Variants in TRPA1 observed in about 807,000 individuals in gnomAD.
TRPA1 encodes ankyrin-like with transmembrane domains 1.
A neutral mutation model predicts 131.3 loss-of-function variants in TRPA1; 129 were observed. The observed-to-expected ratio is 0.98, with a 90% CI of 0.85 to 1.14. The LOEUF is 1.14. Ranked by LOEUF, TRPA1 falls within the 50% of genes most tolerant of loss-of-function variation. The pLI, the probability that TRPA1 is intolerant of heterozygous loss-of-function variation, is 0.00. For synonymous variants in TRPA1, 441 were observed against 451.7 expected (o/e 0.98, Z 0.30); for missense variants, 1,304 against 1,354.2 (o/e 0.96, Z 0.58).
Position 72,034,326 on chromosome 8 carries a change from A to G in TRPA1, c.2607T>C (p.Thr869=). 1 of 1,581,358 alleles carries G rather than the reference A, an allele frequency of 6.3e-7. No individual in the cohort carries two copies. Among genetic ancestry groups the G allele is most frequent in the East Asian group, 2.2e-5 (1 of 44,512 alleles). The change falls in exon 22 of 27, where the codon ACT becomes ACC. Residue 869 remains threonine, a synonymous_variant. Transcript: ENST00000262209. The part of the protein sequence containing the change: ...FIVMLEVILK[T]LLRSTVVFIF... ...TAAATACAACTGTAGACCTCAACAA[A>G]GTTTTCAAAATTACCTCCAACATAA...
chr8:72,063,483 A>G lies in TRPA1; in HGVS notation c.641T>C (p.Met214Thr), dbSNP rs1187469072. Residue 214 changes from methionine (M) to threonine (T), a missense_variant, in exon 5 of 27, where the codon ATG becomes ACG. Coordinates refer to ENST00000262209, the MANE Select transcript of TRPA1 (RefSeq NM_007332.3). ...QAAFSGSKEC[M>T]EIILRFGEEH... ...CTCACCAAACCTTAGTATTATTTCC[A>G]TGCATTCTTTGGAACCTGAAAATGC... 14 of 1,612,638 alleles carry G rather than the reference A, an allele frequency of 8.7e-6. No individual in the cohort carries two copies. Among genetic ancestry groups the G allele is most frequent in the Non-Finnish European group, 1.2e-5 (14 of 1,178,886 alleles).
At chr8:72,048,678 T>G (rs1805412315) in intron 15 of TRPA1, among the ~76,000 whole-genome samples, 3 of 152,178 alleles carry the variant, frequency 2.0e-5, no homozygotes, top group Admixed American at 2.0e-4. Flanking sequence ...GTATTTCAAA[T>G]GCATTATGTC....
chr8:72,070,518 T>C (rs1396147262), intron 2 of TRPA1, among the ~76,000 whole-genome samples: 2 of 152,236 alleles, frequency 1.3e-5, no homozygotes, highest in East Asian at 3.8e-4. Flanking sequence ...GAAATCATTT[T>C]TATTTTTATA....
Position 72,052,703 on chromosome 8 carries a change from G to T in TRPA1, c.1707C>A (p.Ser569Arg). ...GHAKAVALLL[S>R]HNADIVLNKQ... ...TGTTCAGGACTATGTCAGCATTGTG[G>T]CTCAGAAGAAGCGCAACGGCTTTGG... is the stretch of plus-strand genomic sequence containing the variant. The change falls in exon 14 of 27, where the codon AGC becomes AGA. Residue 569 changes from serine (S) to arginine (R), a missense_variant. Physicochemically the swap from Ser to Arg is moderately radical, Grantham distance 110. Transcript: ENST00000262209. The T allele has an allele frequency of 6.2e-7, 1 of 1,613,826 alleles. No homozygotes were observed. The highest frequency in any genetic ancestry group is 1.1e-5 in the South Asian group (1 of 91,070).
intron 17 of TRPA1, among the ~76,000 whole-genome samples, chr8:72,044,404 A>T (rs1051786595): frequency 1.3e-5 from 2 of 152,030 alleles, no homozygotes; most frequent in African/African-American, 4.8e-5. Context: ...ACACACACAG[A>T]TACTTGTTTT....
chr8:72,031,141 T>C (rs1811799359), intron 23 of TRPA1, among the ~76,000 whole-genome samples: 1 of 152,146 alleles, frequency 6.6e-6, no homozygotes, highest in Non-Finnish European at 1.5e-5. Flanking sequence ...ACAGGGAGAA[T>C]ATATTCTAGG....
At chr8:72,025,433 C>CTG (rs940918159) in intron 25 of TRPA1, among the ~76,000 whole-genome samples, 1 of 152,138 alleles carries the variant, frequency 6.6e-6, no homozygotes, top group Non-Finnish European at 1.5e-5. Context: ...CCATGCAGAA[C>CTG]TGTGAGTCAA....
chr8:72,042,270 A>G (rs535428309), intron 17 of TRPA1, among the ~76,000 whole-genome samples: 1 of 152,114 alleles, frequency 6.6e-6, no homozygotes, highest in East Asian at 1.9e-4. Flanking sequence ...AGATACATGA[A>G]TAGTCAATAA....
chr8:72,079,181 C>T (rs1806243155), upstream of TRPA1, among the ~76,000 whole-genome samples: 1 of 151,730 alleles, frequency 6.6e-6, no homozygotes, highest in Admixed American at 6.6e-5. Context: ...TTTTCAGAAG[C>T]TGTTATTTCT....
At position 72,050,857 on chromosome 8, in the gene TRPA1, A is replaced by T; in HGVS notation, c.1826T>A (p.Leu609His). The change falls in exon 15 of 27, where the codon CTT becomes CAT. Residue 609 changes from leucine (L) to histidine (H), a missense_variant. Coordinates refer to ENST00000262209, the MANE Select transcript of TRPA1 (RefSeq NM_007332.3). ...IIRSKRWDEC[L>H]KIFSHNSPGN... ...TGGAGAATTATGACTGAAAATCTTA[A>T]GACATTCATCCCATCTGTAAAAAAT... 1 of 1,608,336 alleles carries T rather than the reference A, an allele frequency of 6.2e-7. No individual in the cohort carries two copies. The highest frequency in any genetic ancestry group is 1.1e-5 in the South Asian group (1 of 90,978).
At chr8:72,071,999 T>C (rs1806074062) in intron 1 of TRPA1, 132 bp from the exon 2 acceptor site, 2 of 808,592 alleles carry the variant, frequency 2.5e-6, no homozygotes, top group Non-Finnish European at 3.9e-6. Flanking sequence ...AATATTTTTC[T>C]TGAAATACAC....
At position 72,023,827 on chromosome 8, in the gene TRPA1, T is replaced by C. The variant is rs1226409255; in HGVS notation, c.3136A>G (p.Lys1046Glu). The C allele has an allele frequency of 3.2e-6, 5 of 1,576,210 alleles. No individual in the cohort carries two copies. Among genetic ancestry groups the C allele is most frequent in the Non-Finnish European group, 4.4e-6 (5 of 1,146,020 alleles). ...ADKSLEMEIL[K>E]QKYRLKDLTF... ...AAAAATACATACCGGTATTTCTGCT[T>C]TAATATTTCCATTTCTAAAGATTTA... The change falls in exon 26 of 27, where the codon AAG (lysine) becomes GAG (glutamate). Residue 1046 changes from lysine (K) to glutamate (E), a missense_variant. Physicochemically the swap from Lys to Glu is moderately conservative, Grantham distance 56. Transcript: ENST00000262209.
At chr8:72,050,128 G>A (rs1486578342) in intron 15 of TRPA1, among the ~76,000 whole-genome samples, 3 of 151,916 alleles carry the variant, frequency 2.0e-5, no homozygotes, top group African/African-American at 7.3e-5. Flanking sequence ...GGTGTGTGAT[G>A]TTCCCCACCC....
At chr8:72,072,191 A>G (rs1363979008) in intron 1 of TRPA1, among the ~76,000 whole-genome samples, 1 of 152,188 alleles carries the variant, frequency 6.6e-6, no homozygotes, top group Non-Finnish European at 1.5e-5. Context: ...CAATTCTACC[A>G]TTGACCATAA....
chr8:72,062,820 A>C lies in TRPA1; in HGVS notation c.786T>G (p.Gly262=). 2 of 1,614,074 alleles carry C rather than the reference A, an allele frequency of 1.2e-6. No homozygotes were observed. Among genetic ancestry groups the C allele is most frequent in the Non-Finnish European group, 1.7e-6 (2 of 1,179,986 alleles). ...LEMIKMCLDN[G]AQIDPVEKGR... is the part of the protein sequence containing the mutation. Reference sequence around the variant, plus strand: ...TTACCTCCACTGGGTCTATTTGTGCACCATTGTCCAGGCACATTTTGATCA... The same window carrying C: ...TTACCTCCACTGGGTCTATTTGTGCCCCATTGTCCAGGCACATTTTGATCA... The change falls in exon 6 of 27, where the codon GGT becomes GGG. Residue 262 remains glycine, a synonymous_variant. Coordinates refer to ENST00000262209, the MANE Select transcript of TRPA1 (RefSeq NM_007332.3).
At chr8:72,054,677 GA>G (rs556937954) in intron 12 of TRPA1, 1 of 152,236 alleles carries the variant, frequency 6.6e-6, no homozygotes, top group African/African-American at 2.4e-5. Flanking sequence ...TTGTAAACCA[GA>G]AAAAACTGAG....
chr8:72,044,269 T>A (rs1247960819), intron 17 of TRPA1, among the ~76,000 whole-genome samples: 2 of 151,120 alleles, frequency 1.3e-5, no homozygotes, highest in African/African-American at 4.8e-5. Context: ...AACTTCCACG[T>A]AGATTTGACT....
the TRPA1 span, among the ~76,000 whole-genome samples, chr8:72,083,457 G>C: frequency 2.6e-5 from 4 of 151,970 alleles, no homozygotes; most frequent in African/African-American, 4.8e-5. Flanking sequence ...TTTTCTGGCC[G>C]GGCACAGTGG....
intron 3 of TRPA1, among the ~76,000 whole-genome samples, chr8:72,068,044 G>A (rs528554954): frequency 2.0e-5 from 3 of 152,270 alleles, no homozygotes; most frequent in East Asian, 1.9e-4. Context: ...CCAATATCAC[G>A]TGTTAAGGAT....
Sources: allele counts gnomAD v4.1 joint callset (sites outside exome capture counted in the v4.1 genomes callset), GRCh38; gene constraint gnomAD v4.1.1; transcripts MANE v1.5; gene names NCBI Gene and HGNC (gene_info 2026-07-23, HGNC 2026-07-21).